The following BGN variants were observed in gnomAD, a reference collection of about 807,000 sequenced individuals.
BGN encodes the protein bone/cartilage proteoglycan-I.
In BGN, 6 loss-of-function variants were observed where a neutral mutation model predicts 20.0. That is an observed-to-expected ratio of 0.30 (90% CI 0.16 to 0.59). The LOEUF (loss-of-function observed/expected upper bound fraction) is 0.59, where lower values mean the gene tolerates loss of function less well. Ranked by LOEUF, BGN falls within the 20% of genes least tolerant of loss-of-function variation. The probability of loss-of-function intolerance (pLI) is 0.88; values close to 1 mark genes in which losing one functional copy is unlikely to be tolerated. For missense variants in BGN, 292 were observed against 312.1 expected, an observed-to-expected ratio of 0.94 and a Z score of 0.49; for synonymous variants, 146 against 134.6, an observed-to-expected ratio of 1.08 and a Z score of -0.59.
intron 3 of BGN, 178 bp downstream of exon 3, chrX:153,505,528 G>T (rs1556992892): frequency 2.2e-6 from 1 of 454,915 alleles, no homozygotes; most frequent in East Asian, 3.7e-5. Context: ...GTGGGTTTGA[G>T]CAACCACAGC....
rs1341327989 is a variant in BGN, at chrX:153,508,605, C to A, written c.*160C>A. 1 of 618,434 alleles carries A rather than the reference C, an allele frequency of 1.6e-6. No homozygotes were observed. The highest frequency in any genetic ancestry group is 2.9e-5 in the South Asian group (1 of 33,967). The allele number at this position is 618,434 out of a possible 1,213,427, so 51.0% of individuals were successfully genotyped here. A position where few individuals can be genotyped will look rare whatever the true frequency, so the allele number is the denominator to read the frequency against. On this transcript the variant is annotated 3_prime_UTR_variant, in exon 8 of 8. Coordinates refer to ENST00000331595, the MANE Select transcript of BGN (RefSeq NM_001711.6). ...TGACCCCAGCTCGATGCCCCATCAC[C>A]GCCTCTCCCTGGCTCCCAAGGGTGC...
rs1556993723 is a variant in BGN at position 153,508,289 on chromosome X, C to T, written c.951C>T (p.Val317=). The change falls in exon 8 of 8, where the codon GTC becomes GTT. Residue 317 remains valine, a synonymous_variant. Coordinates refer to ENST00000331595, the MANE Select transcript of BGN (RefSeq NM_001711.6). ...LHSNNITKVG[V]NDFCPMGFGV... Reference sequence around the variant, plus strand: ...CCAACAACATCACCAAAGTGGGTGTCAACGACTTCTGTCCCATGGGCTTCG... The same window carrying T: ...CCAACAACATCACCAAAGTGGGTGTTAACGACTTCTGTCCCATGGGCTTCG... 6 of 1,212,223 alleles carry T rather than the reference C, an allele frequency of 4.9e-6. No individual in the cohort carries two copies. Among genetic ancestry groups the T allele is most frequent in the Non-Finnish European group, 5.6e-6 (5 of 895,628 alleles).
intron 1 of BGN, among the ~76,000 whole-genome samples, chrX:153,497,028 C>G (rs1306346802): frequency 1.0e-5 from 1 of 95,438 alleles, no homozygotes; most frequent in Admixed American, 1.1e-4. Flanking sequence ...ATCCCCAGCA[C>G]ACGCCCCACC....
Sources: gnomAD v4.1 joint callset for allele counts (sites outside exome capture counted in the v4.1 genomes callset) on GRCh38, gnomAD v4.1.1 for gene constraint, MANE v1.5 for transcripts, NCBI Gene and HGNC (gene_info 2026-07-23, HGNC 2026-07-21) for gene names.